PIWIL2: variants seen among roughly 807,000 people sequenced by gnomAD.
The protein encoded by PIWIL2 is piwi like RNA-mediated gene silencing 2, also known as piwi-like protein 2.
A neutral mutation model predicts 116.5 loss-of-function variants in PIWIL2; 81 were observed. The ratio of observed to expected loss-of-function variants is 0.70; its 90% confidence interval spans 0.58 to 0.84. The LOEUF is 0.84. Among genes scored for constraint, PIWIL2 ranks in the 40% least tolerant of loss-of-function variants. The probability of loss-of-function intolerance (pLI) is 0.00; values close to 1 mark genes in which losing one functional copy is unlikely to be tolerated. For synonymous variants in PIWIL2, 489 were observed against 429.5 expected (o/e 1.14, Z -1.71); for missense variants, 1,272 against 1,212.3 (o/e 1.05, Z -0.73).
chr8:22,340,728 T>C (rs1296077830), intron 20 of PIWIL2, among the ~76,000 whole-genome samples: 2 of 152,122 alleles, frequency 1.3e-5, no homozygotes, highest in Admixed American at 1.3e-4. Context: ...TTTTATTTCT[T>C]TTTTTTCTGA....
chr8:22,299,297 G>T (rs1255364284), intron 10 of PIWIL2, among the ~76,000 whole-genome samples: 2 of 150,734 alleles, frequency 1.3e-5, no homozygotes, highest in African/African-American at 4.9e-5. Context: ...TGCAACCTCC[G>T]CCTCCTGGGT....
At chr8:22,330,747 T>TAA (rs1271512293) in intron 20 of PIWIL2, among the ~76,000 whole-genome samples, 3 of 124,154 alleles carry the variant, frequency 2.4e-5, no homozygotes, top group Non-Finnish European at 5.4e-5. Flanking sequence ...TAAATAAAAA[T>TAA]AGTTGATATA....
In PIWIL2 at chr8:22,289,928, G is replaced by C; in HGVS notation, c.1067+1G>C. The C allele has an allele frequency of 6.3e-7, 1 of 1,599,788 alleles. No individual in the cohort carries two copies. Among genetic ancestry groups the C allele is most frequent in the Non-Finnish European group, 8.6e-7 (1 of 1,167,498 alleles). ...GTGCTATGGTACTACAGCAACACAG[G>C]TTGGTACTTTTTTCCCTTCCCTCAC... On this transcript the variant is annotated splice_donor_variant, in intron 9 of 22. Transcript: ENST00000356766. LOFTEE classifies it high-confidence loss of function.
rs978150824 is a variant in PIWIL2 at position 22,357,043 on chromosome 8, A to G, written c.*1538A>G. On this transcript the variant is annotated 3_prime_UTR_variant, in exon 23 of 23. Coordinates refer to ENST00000356766, the MANE Select transcript of PIWIL2 (RefSeq NM_018068.5). ...GCAGAAATACCCCTTTTATATGACA[A>G]TGTGTGAGAAAAGAAACTTTAGCTT... 3.3e-5 allele frequency: 5 copies of G among 152,286 alleles called. No individual in the cohort carries two copies. In the East Asian group the frequency reaches 7.7e-4, roughly 24 times the overall value. The allele number at this position is 152,286 out of a possible 1,614,324, so 9.4% of individuals were successfully genotyped here. A position where few individuals can be genotyped will look rare whatever the true frequency, so the allele number is the denominator to read the frequency against.
At chr8:22,345,277 T>A (rs1297269064) in intron 20 of PIWIL2, among the ~76,000 whole-genome samples, 1 of 134,464 alleles carries the variant, frequency 7.4e-6, no homozygotes, top group East Asian at 1.9e-4. Context: ...GAAAACATTG[T>A]GTACCCAAGA....
chr8:22,307,082 C>T (rs1381551682), intron 13 of PIWIL2, among the ~76,000 whole-genome samples: 1 of 152,232 alleles, frequency 6.6e-6, no homozygotes, highest in Non-Finnish European at 1.5e-5. Flanking sequence ...GACTAGTATG[C>T]TATGGCATAT....
intron 18 of PIWIL2, among the ~76,000 whole-genome samples, chr8:22,315,399 G>A (rs1307579297): frequency 1.3e-5 from 2 of 151,974 alleles, no homozygotes; most frequent in East Asian, 1.9e-4. Context: ...TCACTGCAAC[G>A]TCCACCTCCC....
chr8:22,319,489 T>A (rs537499377), intron 20 of PIWIL2, among the ~76,000 whole-genome samples: 1 of 152,342 alleles, frequency 6.6e-6, no homozygotes, highest in African/African-American at 2.4e-5. Flanking sequence ...CTGCCTTATA[T>A]TTGTTATTTA....
rs1586572133 is a variant in PIWIL2, at chr8:22,316,324, G to A, written c.2288G>A (p.Ser763Asn). The A allele has an allele frequency of 6.2e-7, 1 of 1,602,376 alleles. No homozygotes were observed. Reference sequence around the variant, plus strand: ...CGCTCCGTGGTTGGCTTCGTGGCAAGCATCAATCTGTAAGTACTGCTCACA... The same window carrying A: ...CGCTCCGTGGTTGGCTTCGTGGCAAACATCAATCTGTAAGTACTGCTCACA... ...GMRSVVGFVASINLTLTKWYS... is the reference protein window; with the variant it reads ...GMRSVVGFVANINLTLTKWYS... The change falls in exon 19 of 23, where the codon AGC becomes AAC. Residue 763 changes from serine to asparagine, a missense_variant. Physicochemically the swap from Ser to Asn is conservative, Grantham distance 46 (BLOSUM62 1). Transcript: ENST00000356766.
intron 20 of PIWIL2, among the ~76,000 whole-genome samples, chr8:22,351,508 A>T (rs1832361410): frequency 8.1e-6 from 1 of 122,946 alleles, no homozygotes; most frequent in Admixed American, 8.8e-5. Flanking sequence ...CTAATTCATA[A>T]TTTAGGTTTT....
Position 22,355,417 on chromosome 8 carries a change from A to G in PIWIL2, c.2834A>G (p.Lys945Arg). The change falls in exon 23 of 23, where the codon AAG becomes AGG. Residue 945 changes from lysine to arginine, a missense_variant. Physicochemically the swap from Lys to Arg is conservative, Grantham distance 26. Transcript: ENST00000356766. ...PGTIRVPAPC[K>R]YAHKLAFLSG... Reference sequence around the variant, plus strand: ...ACCATCAGAGTTCCAGCTCCTTGCAAGTATGCCCACAAGCTAGCTTTCCTG... The same window carrying G: ...ACCATCAGAGTTCCAGCTCCTTGCAGGTATGCCCACAAGCTAGCTTTCCTG... 6.2e-7 allele frequency: 1 copy of G among 1,614,174 alleles called. No individual in the cohort carries two copies. The highest frequency in any genetic ancestry group is 8.5e-7 in the Non-Finnish European group (1 of 1,180,018).
chr8:22,327,098 G>A (rs1203105940), intron 20 of PIWIL2, among the ~76,000 whole-genome samples: 1 of 142,456 alleles, frequency 7.0e-6, no homozygotes, highest in Admixed American at 7.4e-5. Context: ...CACGATCTTG[G>A]CTTACTGCAG....
At chr8:22,280,515 A>G (rs1010622848) in intron 2 of PIWIL2, among the ~76,000 whole-genome samples, 16 of 152,222 alleles carry the variant, frequency 1.1e-4, no homozygotes, top group Non-Finnish European at 1.5e-4. Flanking sequence ...CAAATGTATT[A>G]TTTTTATAAG....
At chr8:22,341,879 G>A (rs1832118751) in intron 20 of PIWIL2, among the ~76,000 whole-genome samples, 1 of 147,858 alleles carries the variant, frequency 6.8e-6, no homozygotes, top group Admixed American at 6.9e-5. Flanking sequence ...TGTCTATGTA[G>A]AAAATCCCAA....
chr8:22,325,257 G>A (rs865899363), intron 20 of PIWIL2, among the ~76,000 whole-genome samples: 1 of 152,144 alleles, frequency 6.6e-6, no homozygotes, highest in Non-Finnish European at 1.5e-5. Context: ...TCTACCTAGT[G>A]GAGATGTTTG....
rs1451791152 is a variant in PIWIL2, at chr8:22,281,368, T to C, written c.287-9T>C. ...ATAGTCATTGCTGGGGTTCGGTTCT[T>C]TCTTTCAGGTAGAGGCATTTTAGGT... On this transcript the variant is annotated splice_polypyrimidine_tract_variant and intron_variant, in intron 3 of 22. Coordinates refer to ENST00000356766, the MANE Select transcript of PIWIL2 (RefSeq NM_018068.5). The C allele has an allele frequency of 5.6e-6, 9 of 1,606,860 alleles. No homozygotes were observed. The South Asian group carries it at 1.0e-4, about 18-fold the overall frequency.
At chr8:22,342,695 TG>T (rs796254635) in intron 20 of PIWIL2, among the ~76,000 whole-genome samples, 14 of 152,324 alleles carry the variant, frequency 9.2e-5, no homozygotes, top group African/African-American at 3.1e-4. Flanking sequence ...TAGGTGGCTT[TG>T]GGTTTGGTGA....
At chr8:22,281,986 TG>T (rs1830515218) in intron 4 of PIWIL2, among the ~76,000 whole-genome samples, 1 of 151,488 alleles carries the variant, frequency 6.6e-6, no homozygotes, top group South Asian at 2.1e-4. Context: ...TTCGCCAGGC[TG>T]GTCTTGAGCT....
intron 20 of PIWIL2, among the ~76,000 whole-genome samples, chr8:22,349,444 T>TATATATATATATAA (rs1208817650): frequency 1.4e-5 from 2 of 147,236 alleles, no homozygotes; most frequent in African/African-American, 4.9e-5. Flanking sequence ...TATATATATA[T>TATATATATATATAA]AAATTTTACT....
Sources: gnomAD v4.1 joint callset for allele counts (sites outside exome capture counted in the v4.1 genomes callset) on GRCh38, gnomAD v4.1.1 for gene constraint, MANE v1.5 for transcripts, NCBI Gene and HGNC (gene_info 2026-07-23, HGNC 2026-07-21) for gene names.